Variants in DPYSL2 observed in about 807,000 individuals in gnomAD.
The protein encoded by DPYSL2 is dihydropyrimidinase-related protein 2.
Under a neutral mutation model 69.9 loss-of-function variants are expected in DPYSL2, and 13 were observed. That is an observed-to-expected ratio of 0.19 (90% CI 0.12 to 0.30). The LOEUF (loss-of-function observed/expected upper bound fraction) is 0.30. DPYSL2 is among the 10% of genes least tolerant of loss of function. The pLI is 1.00. For synonymous variants in DPYSL2, 326 were observed against 359.1 expected, an observed-to-expected ratio of 0.91 and a Z score of 1.04; for missense variants, 587 against 918.9, an observed-to-expected ratio of 0.64 and a Z score of 4.67.
chr8:26,554,571 T>G (rs1800915008), intron 1 of DPYSL2, among the ~76,000 whole-genome samples: 1 of 152,234 alleles, frequency 6.6e-6, no homozygotes, highest in South Asian at 2.1e-4. Flanking sequence ...TTTTGGCATC[T>G]TCGTCATGAA....
At chr8:26,618,738 C>T (rs1247119251) in intron 3 of DPYSL2, among the ~76,000 whole-genome samples, 6 of 133,340 alleles carry the variant, frequency 4.5e-5, no homozygotes, top group East Asian at 2.2e-4. Context: ...GTCAGGAATT[C>T]GAGATCAGCC....
intron 1 of DPYSL2, among the ~76,000 whole-genome samples, chr8:26,563,849 GTGAATGAA>G (rs57663458): frequency 2.6e-5 from 4 of 151,870 alleles, no homozygotes; most frequent in South Asian, 2.1e-4. Context: ...TGCTGGATGA[GTGAATGAA>G]TGAATGAATG....
In DPYSL2 at chr8:26,598,013, C is replaced by CA. The variant is rs1801904383; in HGVS notation, c.628+14031dup. Among the ~76,000 whole-genome samples, 1 of 152,144 alleles carries CA rather than the reference C, an allele frequency of 6.6e-6. No homozygotes were observed. Among genetic ancestry groups the CA allele is most frequent in the African/African-American group, 2.4e-5 (1 of 41,428 alleles). On this transcript the variant is annotated intron_variant, in intron 3 of 13. Coordinates refer to ENST00000521913, the MANE Select transcript of DPYSL2 (RefSeq NM_001197293.3). The surrounding 1 kb of genome is among the most constrained non-coding windows in gnomAD (Gnocchi z 4.2). ...GCTTATTAGCTCAGGCTCGGTGCCCCACGGCTTGGTCCTGGTTTTCTGAAT... is the reference window on the plus strand; with the variant it reads ...GCTTATTAGCTCAGGCTCGGTGCCCCAACGGCTTGGTCCTGGTTTTCTGAAT...
chr8:26,623,188 A>G (rs113568048), intron 3 of DPYSL2, among the ~76,000 whole-genome samples: 45 of 152,294 alleles, frequency 3.0e-4, no homozygotes, highest in Middle Eastern at 3.4e-3. Flanking sequence ...AGGAGCTGAA[A>G]AACGGTCTGT....
intron 1 of DPYSL2, among the ~76,000 whole-genome samples, chr8:26,542,568 T>G (rs1343406913): frequency 1.3e-5 from 2 of 152,032 alleles, no homozygotes; most frequent in African/African-American, 2.4e-5. Context: ...GCTACAGGCA[T>G]GTACCACTGT....
intron 1 of DPYSL2, among the ~76,000 whole-genome samples, chr8:26,534,613 C>T (rs559829171): frequency 2.0e-5 from 3 of 151,946 alleles, no homozygotes; most frequent in African/African-American, 7.2e-5. Flanking sequence ...ATAGGACACA[C>T]TGTATTTTTT....
intron 3 of DPYSL2, among the ~76,000 whole-genome samples, chr8:26,601,851 G>T (rs188560121): frequency 6.8e-4 from 104 of 152,350 alleles, no homozygotes; most frequent in Non-Finnish European, 1.3e-3. Context: ...TTTATAAAAG[G>T]GGGTGGGCTA....
At chr8:26,577,997 C>T (rs1801398203) in intron 1 of DPYSL2, 1 of 404,564 alleles carries the variant, frequency 2.5e-6, no homozygotes, top group African/African-American at 1.9e-5. Flanking sequence ...CTCTCCTTCT[C>T]TCTCTCTCTC....
chr8:26,567,899 A>C lies in DPYSL2; in HGVS notation c.355-14070A>C, dbSNP rs758898043. On this transcript the variant is annotated intron_variant, in intron 1 of 13. Transcript: ENST00000521913. ...TCTTCCATCAGTGCCCTGTCCCTTTAAAGTGGTCTTTTTACTATCCTACCT... is the reference window on the plus strand; with the variant it reads ...TCTTCCATCAGTGCCCTGTCCCTTTCAAGTGGTCTTTTTACTATCCTACCT... Among the ~76,000 whole-genome samples the C allele has an allele frequency of 1.7e-4, 26 of 152,342 alleles. 1 individual carries two copies. The Middle Eastern group carries it at 0.017, about 100-fold the overall frequency.
At chr8:26,515,202 G>A (rs972679589) in intron 1 of DPYSL2, among the ~76,000 whole-genome samples, 2 of 152,140 alleles carry the variant, frequency 1.3e-5, no homozygotes, top group Admixed American at 6.5e-5. Context: ...CCGAGGCCAG[G>A]ACCATGGTCA....
At chr8:26,525,825 C>T (rs1808466500) in intron 1 of DPYSL2, among the ~76,000 whole-genome samples, 2 of 152,116 alleles carry the variant, frequency 1.3e-5, no homozygotes, top group Admixed American at 1.3e-4. Context: ...ATGTGCTTTC[C>T]ATTGCAGATA....
chr8:26,652,238 T>C lies in DPYSL2; in HGVS notation c.1597-19T>C. ...AGCCAGAGTGGCCTGTTCTAGAGTT[T>C]ACTTTGCCTTCTTCTCAGTCTCTCG... On this transcript the variant is annotated intron_variant, in intron 11 of 13. Transcript: ENST00000521913. This position sits in a 1 kb window ranked among gnomAD's most constrained non-coding sequence, Gnocchi z 6.3. The C allele has an allele frequency of 6.2e-7, 1 of 1,606,228 alleles. No homozygotes were observed. Among genetic ancestry groups the C allele is most frequent in the East Asian group, 2.2e-5 (1 of 44,756 alleles).
rs1374995289 is a variant in DPYSL2, at chr8:26,641,030, T to C, written c.1127-2409T>C. 6.6e-6 allele frequency among the ~76,000 whole-genome samples: 1 copy of C among 152,038 alleles called. No individual in the cohort carries two copies. Among genetic ancestry groups the C allele is most frequent in the Non-Finnish European group, 1.5e-5 (1 of 68,016 alleles). On this transcript the variant is annotated intron_variant, in intron 8 of 13. Transcript: ENST00000521913. The surrounding 1 kb of genome is among the most constrained non-coding windows in gnomAD (Gnocchi z 4.1). Reference sequence around the variant, plus strand: ...GAGCAGCTCCCCACCCCAAGCTGAGTTGTGTTTCGCAGGGAGAGATAAGCC... The same window carrying C: ...GAGCAGCTCCCCACCCCAAGCTGAGCTGTGTTTCGCAGGGAGAGATAAGCC...
Position 26,524,835 on chromosome 8 carries a change from A to AAAAAAAAAAAAAAG in DPYSL2, c.354+10157_354+10158insAAAAAAAAAAAAGA, listed in dbSNP as rs1563374151. On this transcript the variant is annotated intron_variant, in intron 1 of 13. Coordinates refer to ENST00000521913, the MANE Select transcript of DPYSL2 (RefSeq NM_001197293.3). ...AAAAAAAAAAAAAAAAAAAAAAAAA[A>AAAAAAAAAAAAAAG]AGAGAGAGAATTACTGTTTTTCAAT... Among the ~76,000 whole-genome samples, 17 of 74,226 alleles carry AAAAAAAAAAAAAAG rather than the reference A, an allele frequency of 2.3e-4. 2 individuals are homozygous for AAAAAAAAAAAAAAG. Among genetic ancestry groups the AAAAAAAAAAAAAAG allele is most frequent in the East Asian group, 4.4e-4 (1 of 2,280 alleles). The allele number at this position is 74,226 out of a possible 152,430, so 48.7% of individuals were successfully genotyped here.
At chr8:26,603,809 C>G (rs917938493) in intron 3 of DPYSL2, among the ~76,000 whole-genome samples, 4 of 152,080 alleles carry the variant, frequency 2.6e-5, no homozygotes, top group Non-Finnish European at 4.4e-5. Context: ...TAGCCTGTGT[C>G]AGAATTTCCT....
In DPYSL2 at chr8:26,627,273, A is replaced by G; in HGVS notation, c.914A>G (p.Glu305Gly). The change falls in exon 6 of 14, where the codon GAA becomes GGA. Residue 305 changes from glutamate (E) to glycine (G), a missense_variant. This residue lies in a region of DPYSL2 where 452 missense variants were observed against 754.3 expected (regional missense o/e 0.60). Transcript: ENST00000521913. This position sits in a 1 kb window ranked among gnomAD's most constrained non-coding sequence, Gnocchi z 6.9. ...DIGAIAQVHAENGDIIAEEQQ... is the reference protein window; with the variant it reads ...DIGAIAQVHAGNGDIIAEEQQ... ...GGCGCCATAGCCCAAGTCCACGCAGAAAATGGCGACATCATTGCAGAGGTA... is the reference window on the plus strand; with the variant it reads ...GGCGCCATAGCCCAAGTCCACGCAGGAAATGGCGACATCATTGCAGAGGTA... 1 of 1,614,232 alleles carries G rather than the reference A, an allele frequency of 6.2e-7. No individual in the cohort carries two copies. The highest frequency in any genetic ancestry group is 8.5e-7 in the Non-Finnish European group (1 of 1,180,034).
Position 26,588,836 on chromosome 8 carries a change from G to A in DPYSL2, c.628+4853G>A, listed in dbSNP as rs751891144. Reference sequence around the variant, plus strand: ...AGGGCTCGCTGGAGGTTGTGCTGGCGGTATCTGCAGAGTCATCCTAGCATC... The same window carrying A: ...AGGGCTCGCTGGAGGTTGTGCTGGCAGTATCTGCAGAGTCATCCTAGCATC... On this transcript the variant is annotated intron_variant, in intron 3 of 13. Transcript: ENST00000521913. The surrounding 1 kb of genome is among the most constrained non-coding windows in gnomAD (Gnocchi z 5.4). 5.9e-5 allele frequency among the ~76,000 whole-genome samples: 9 copies of A among 152,150 alleles called. No individual in the cohort carries two copies. Among genetic ancestry groups the A allele is most frequent in the Non-Finnish European group, 1.2e-4 (8 of 68,018 alleles).
chr8:26,577,029 T>A, intron 1 of DPYSL2: 1 of 351,802 alleles, frequency 2.8e-6, no homozygotes, highest in South Asian at 1.9e-5. Context: ...TCCCCATTCC[T>A]CCGCCCTACT....
In DPYSL2 at chr8:26,627,069, CATCAT is replaced by C. The variant is rs1802635825; in HGVS notation, c.856-141_856-137del. 4.3e-6 allele frequency: 3 copies of C among 699,234 alleles called. No individual in the cohort carries two copies. The highest frequency in any genetic ancestry group is 7.4e-6 in the Non-Finnish European group (3 of 402,932). The allele number at this position is 699,234 out of a possible 1,614,324, so 43.3% of individuals were successfully genotyped here. On this transcript the variant is annotated intron_variant, in intron 5 of 13. Transcript: ENST00000521913. This position sits in a 1 kb window ranked among gnomAD's most constrained non-coding sequence, Gnocchi z 6.9. ...CAAATGTGGCCAGTAACATTGCCCT[CATCAT>C]ATCAAAAAAAGTCAGGCTAATAGAA...
Sources: gnomAD v4.1 joint callset for allele counts (sites outside exome capture counted in the v4.1 genomes callset) on GRCh38, gnomAD v4.1.1 for gene constraint, gnomAD v4.1.1 regional missense constraint, Gnocchi (gnomAD v3.1) non-coding constraint, MANE v1.5 for transcripts, NCBI Gene and HGNC (gene_info 2026-07-23, HGNC 2026-07-21) for gene names.